Variants in IFNGR2 observed in about 807,000 individuals in gnomAD.
IFNGR2 encodes the protein IFN-gamma receptor 2.
IFNGR2 carries 15 observed loss-of-function variants against 41.1 expected under a neutral mutation model. That is an observed-to-expected ratio of 0.37 (90% CI 0.24 to 0.56). The LOEUF is 0.56. Ranked by LOEUF, IFNGR2 falls within the 20% of genes least tolerant of loss-of-function variation. The probability of loss-of-function intolerance (pLI) is 0.81; values close to 1 mark genes in which losing one functional copy is unlikely to be tolerated. For missense variants in IFNGR2, 362 were observed against 415.7 expected (o/e 0.87, Z 1.12); for synonymous variants, 161 against 171.6 (o/e 0.94, Z 0.48).
intron 2 of IFNGR2, among the ~76,000 whole-genome samples, chr21:33,415,293 G>C (rs1359486960): frequency 6.6e-6 from 1 of 152,232 alleles, no homozygotes; most frequent in East Asian, 1.9e-4. Flanking sequence ...CTGGTTTCAG[G>C]AGAAAGGTTG....
intron 1 of IFNGR2, chr21:33,411,560 G>T (rs2083716134): frequency 2.1e-6 from 1 of 470,370 alleles, no homozygotes; most frequent in Non-Finnish European, 4.4e-6. Context: ...GTACAAAAGG[G>T]ACTCCGCAGA....
At chr21:33,405,805 C>T (rs941673694) in intron 1 of IFNGR2, among the ~76,000 whole-genome samples, 7 of 151,366 alleles carry the variant, frequency 4.6e-5, no homozygotes, top group African/African-American at 7.3e-5. Context: ...CTGAGGCGGG[C>T]GGATCACCTG....
intron 1 of IFNGR2, among the ~76,000 whole-genome samples, chr21:33,411,771 G>A (rs2083717957): frequency 6.6e-6 from 1 of 152,202 alleles, no homozygotes; most frequent in Non-Finnish European, 1.5e-5. Context: ...AGCTGGGAAA[G>A]GCAAGGAAAT....
chr21:33,419,201 G>T (rs1192004774), intron 2 of IFNGR2, among the ~76,000 whole-genome samples: 1 of 152,150 alleles, frequency 6.6e-6, no homozygotes, highest in Non-Finnish European at 1.5e-5. Context: ...CGCCGCCTGG[G>T]TTCAAGTGAT....
rs569309072 is a variant in IFNGR2 at position 33,421,331 on chromosome 21, CAAAAAAAAAA to C, written c.207-139_207-130del. Reference sequence around the variant, plus strand: ...TGGGTGACAGAGCAAAACTCCATCTCAAAAAAAAAAAAAAAAAAAGCGGGGGGGAACTGTA... The same window carrying C: ...TGGGTGACAGAGCAAAACTCCATCTCAAAAAAAAAGCGGGGGGGAACTGTA... On this transcript the variant is annotated intron_variant, in intron 2 of 6. Coordinates refer to ENST00000290219, the MANE Select transcript of IFNGR2 (RefSeq NM_005534.4). 7.4e-5 allele frequency: 34 copies of C among 461,938 alleles called. No individual in the cohort carries two copies. The South Asian group carries it at 8.0e-4, about 11-fold the overall frequency. The allele number at this position is 461,938 out of a possible 1,614,324, so 28.6% of individuals were successfully genotyped here.
intron 2 of IFNGR2, among the ~76,000 whole-genome samples, chr21:33,420,971 C>T (rs926348773): frequency 5.9e-5 from 9 of 151,970 alleles, no homozygotes; most frequent in African/African-American, 1.9e-4. Flanking sequence ...CCGAGGTGGG[C>T]GGATCACATG....
intron 3 of IFNGR2, 29 bp from the exon 4 acceptor site, chr21:33,426,855 G>A (rs367663086): frequency 6.3e-7 from 1 of 1,596,636 alleles, no homozygotes; most frequent in East Asian, 2.2e-5. Flanking sequence ...GTGTATGTGT[G>A]TGGTTTTCTC....
chr21:33,423,177 C>G (rs1430461432), intron 3 of IFNGR2, among the ~76,000 whole-genome samples: 1 of 150,404 alleles, frequency 6.6e-6, no homozygotes, highest in Non-Finnish European at 1.5e-5. Flanking sequence ...GTAGCTGGGA[C>G]TACAGGCGCC....
Position 33,403,501 on chromosome 21 carries a change from G to A in IFNGR2, c.-43G>A. The A allele has an allele frequency of 1.3e-5, 15 of 1,156,944 alleles. No individual in the cohort carries two copies. Among genetic ancestry groups the A allele is most frequent in the South Asian group, 3.5e-5 (1 of 28,834 alleles). 71.7% of individuals were successfully genotyped at this position (1,156,944 alleles called of 1,614,324 possible). A position where few individuals can be genotyped will look rare whatever the true frequency, so the allele number is the denominator to read the frequency against. ...TGAGCGGCTCCGCGGACCCCGAGCG[G>A]GGCCCCGGCCGCGACCTGAGCCGCC... On this transcript the variant is annotated 5_prime_UTR_variant, in exon 1 of 7. Transcript: ENST00000290219.
At chr21:33,410,828 A>G in intron 1 of IFNGR2, 4 of 1,529,024 alleles carry the variant, frequency 2.6e-6, no homozygotes, top group Non-Finnish European at 3.5e-6. Context: ...TCTAAAATTT[A>G]TGCTCAGCAC....
chr21:33,421,079 C>G (rs377719720), intron 2 of IFNGR2, among the ~76,000 whole-genome samples: 15 of 151,966 alleles, frequency 9.9e-5, no homozygotes, highest in African/African-American at 3.6e-4. Context: ...TGCCTGTAAT[C>G]CCAGCACATT....
chr21:33,427,357 T>TAAA (rs1328193180), intron 4 of IFNGR2, among the ~76,000 whole-genome samples: 1 of 152,166 alleles, frequency 6.6e-6, no homozygotes, highest in African/African-American at 2.4e-5. Flanking sequence ...GAGGTTTTAG[T>TAAA]GGGCCTGGTT....
chr21:33,436,675 TCACAC>T (rs1385470248), intron 6 of IFNGR2, among the ~76,000 whole-genome samples, 148 bp from the exon 7 acceptor site: 1 of 149,894 alleles, frequency 6.7e-6, no homozygotes, highest in Non-Finnish European at 1.5e-5. Flanking sequence ...TGAGCTGAGA[TCACAC>T]CACTATACTC....
At chr21:33,427,608 A>G (rs2083849541) in intron 4 of IFNGR2, among the ~76,000 whole-genome samples, 1 of 152,170 alleles carries the variant, frequency 6.6e-6, no homozygotes, top group Non-Finnish European at 1.5e-5. Context: ...GGTGCATGAC[A>G]TCAGAGCGGC....
intron 1 of IFNGR2, among the ~76,000 whole-genome samples, chr21:33,414,111 G>A (rs577231167): frequency 2.0e-5 from 3 of 152,244 alleles, no homozygotes; most frequent in South Asian, 4.1e-4. Context: ...GGGATTATAG[G>A]TGTGAGCCAC....
intron 1 of IFNGR2, chr21:33,411,685 C>T (rs2083717159): frequency 3.2e-6 from 1 of 309,496 alleles, no homozygotes; most frequent in Non-Finnish European, 6.6e-6. Flanking sequence ...GGTTCAGTAC[C>T]AGGGAGACAA....
intron 1 of IFNGR2, among the ~76,000 whole-genome samples, chr21:33,404,046 G>A (rs2083660355): frequency 6.6e-6 from 1 of 152,258 alleles, no homozygotes; most frequent in Non-Finnish European, 1.5e-5. Flanking sequence ...CGCCGGGAAA[G>A]CCAGCGTGGC....
At chr21:33,420,058 A>C (rs960393573) in intron 2 of IFNGR2, among the ~76,000 whole-genome samples, 1 of 152,054 alleles carries the variant, frequency 6.6e-6, no homozygotes, top group Admixed American at 6.6e-5. Context: ...AGGGTCTGTC[A>C]CCCTGGGGCT....
chr21:33,431,141 C>G (rs2083882685), intron 4 of IFNGR2, among the ~76,000 whole-genome samples: 1 of 152,166 alleles, frequency 6.6e-6, no homozygotes. Context: ...TCCTTAAGGT[C>G]ATTTTAGCTG....
Sources: allele counts gnomAD v4.1 joint callset (sites outside exome capture counted in the v4.1 genomes callset), GRCh38; gene constraint gnomAD v4.1.1; transcripts MANE v1.5; gene names NCBI Gene and HGNC (gene_info 2026-07-23, HGNC 2026-07-21).